DCAF8: variants seen among roughly 807,000 people sequenced by gnomAD.
DCAF8 encodes DDB1- and CUL4-associated factor 8.
DCAF8 carries 20 observed loss-of-function variants against 68.0 expected under a neutral mutation model. That is an observed-to-expected ratio of 0.29 (90% CI 0.21 to 0.43). The LOEUF (loss-of-function observed/expected upper bound fraction) is 0.43, where lower values mean the gene tolerates loss of function less well. DCAF8 is among the 20% of genes least tolerant of loss of function. The pLI is 1.00. For missense variants in DCAF8, 460 were observed against 771.0 expected, an observed-to-expected ratio of 0.60 and a Z score of 4.78; for synonymous variants, 230 against 276.9, an observed-to-expected ratio of 0.83 and a Z score of 1.68.
At chr1:160,251,965 C>T (rs1312746061) in intron 2 of DCAF8, among the ~76,000 whole-genome samples, 1 of 152,182 alleles carries the variant, frequency 6.6e-6, no homozygotes, top group East Asian at 1.9e-4. Flanking sequence ...CAGAAAGAAA[C>T]TGAATGTTTC....
chr1:160,248,568 T>C (rs897921373), intron 2 of DCAF8, among the ~76,000 whole-genome samples: 1 of 151,554 alleles, frequency 6.6e-6, no homozygotes, highest in Admixed American at 6.6e-5. Flanking sequence ...ACCCCGTCTT[T>C]ACTAAAATAC....
chr1:160,254,374 A>C (rs1383903678), intron 2 of DCAF8, among the ~76,000 whole-genome samples: 1 of 152,254 alleles, frequency 6.6e-6, no homozygotes, highest in South Asian at 2.1e-4. Flanking sequence ...CCAATATAGC[A>C]TAACTATGTC....
intron 10 of DCAF8, among the ~76,000 whole-genome samples, chr1:160,222,990 T>A (rs1387242797): frequency 1.3e-5 from 2 of 152,234 alleles, no homozygotes; most frequent in Admixed American, 1.3e-4. Flanking sequence ...TCTGCAGTCC[T>A]TTAGCAGCAG....
chr1:160,229,030 T>G (rs1461166327), intron 7 of DCAF8, among the ~76,000 whole-genome samples: 3 of 152,160 alleles, frequency 2.0e-5, no homozygotes, highest in Non-Finnish European at 1.5e-5. Flanking sequence ...CCAGGCGCGG[T>G]GGCTCACGAC....
chr1:160,219,121 G>A, intron 11 of DCAF8, 153 bp from the exon 12 acceptor site: 1 of 980,560 alleles, frequency 1.0e-6, no homozygotes, highest in Non-Finnish European at 1.5e-6. Context: ...TAAGCCAAAG[G>A]GCACTGAGGG....
Position 160,217,500 on chromosome 1 carries a change from G to A in DCAF8, c.*92C>T, listed in dbSNP as rs1239170221. The A allele has an allele frequency of 6.5e-6, 6 of 917,904 alleles. No individual in the cohort carries two copies. The highest frequency in any genetic ancestry group is 1.7e-5 in the African/African-American group (1 of 60,290). The allele number at this position is 917,904 out of a possible 1,614,324, so 56.9% of individuals were successfully genotyped here. On this transcript the variant is annotated 3_prime_UTR_variant, in exon 14 of 14. Coordinates refer to ENST00000368074, the MANE Select transcript of DCAF8 (RefSeq NM_015726.4). ...ATCTAAAGCAAAAAGTCCAAAGTGCGTTTCTGCTGAATGTAGGGCCTGGGA... is the reference window on the plus strand; with the variant it reads ...ATCTAAAGCAAAAAGTCCAAAGTGCATTTCTGCTGAATGTAGGGCCTGGGA...
rs1292598416 is a variant in DCAF8 at position 160,255,276 on chromosome 1, CTCTTT to C, written c.-27+6004_-27+6008del. On this transcript the variant is annotated intron_variant, in intron 2 of 13. Coordinates refer to ENST00000368074, the MANE Select transcript of DCAF8 (RefSeq NM_015726.4). ...TATAAGCCTCCCTAAGTTTTTCTCC[CTCTTT>C]TAATTTTTAAAATAGATTTTTTTAC... 2.0e-5 allele frequency among the ~76,000 whole-genome samples: 3 copies of C among 152,200 alleles called. No homozygotes were observed. In the East Asian group the frequency reaches 5.8e-4, roughly 29 times the overall value.
intron 6 of DCAF8, among the ~76,000 whole-genome samples, chr1:160,231,716 C>G (rs1573013): frequency 0.64 from 97,779 of 152,066 alleles, 32,964 homozygotes; most frequent in African/African-American, 0.86. Flanking sequence ...AGTTTAGCTG[C>G]AGTCCAACAC....
At chr1:160,228,157 C>A (rs116470403) in intron 7 of DCAF8, among the ~76,000 whole-genome samples, 3,777 of 150,940 alleles carry the variant, frequency 0.025, 49 homozygotes, top group Middle Eastern at 0.037. Context: ...GAACTTCTGA[C>A]CTCAAGCTAT....
At chr1:160,232,688 T>G (rs1182307093) in intron 6 of DCAF8, among the ~76,000 whole-genome samples, 1 of 151,624 alleles carries the variant, frequency 6.6e-6, no homozygotes, top group Non-Finnish European at 1.5e-5. Flanking sequence ...TGTGGTGGCA[T>G]GCACCTATAG....
chr1:160,244,098 G>A (rs764558476), intron 2 of DCAF8, 64 bp from the exon 3 acceptor site: 200 of 1,186,290 alleles, frequency 1.7e-4, no homozygotes, highest in Non-Finnish European at 2.4e-4. Context: ...AGACAATAGG[G>A]ACAAGGAGAT....
chr1:160,258,238 T>G (rs1238872753), intron 2 of DCAF8, among the ~76,000 whole-genome samples: 1 of 152,070 alleles, frequency 6.6e-6, no homozygotes, highest in Non-Finnish European at 1.5e-5. Context: ...TCCCAGCTAC[T>G]CGAGAGGCTG....
intron 2 of DCAF8, among the ~76,000 whole-genome samples, chr1:160,254,839 GA>G (rs1656765832): frequency 6.6e-6 from 1 of 152,048 alleles, no homozygotes; most frequent in Non-Finnish European, 1.5e-5. Context: ...CATGTGTTAT[GA>G]AAGAAAGAAA....
intron 1 of DCAF8, chr1:160,261,986 G>C (rs1571122115): frequency 1.0e-5 from 2 of 191,366 alleles, no homozygotes; most frequent in East Asian, 1.2e-4. Flanking sequence ...CTGAGGTGAC[G>C]GGGAGACGCA....
chr1:160,242,846 C>G (rs1656173277), intron 3 of DCAF8, among the ~76,000 whole-genome samples: 1 of 152,198 alleles, frequency 6.6e-6, no homozygotes, highest in Non-Finnish European at 1.5e-5. Flanking sequence ...TTTGCCAATC[C>G]TTGACCTAGC....
At chr1:160,218,742 C>T (rs2101711897) in intron 12 of DCAF8, 107 bp downstream of exon 12, 1 of 1,502,670 alleles carries the variant, frequency 6.7e-7, no homozygotes, top group East Asian at 2.3e-5. Context: ...GGTGTTAGAG[C>T]AGTGCCTTTA....
chr1:160,256,682 T>G (rs568096298), intron 2 of DCAF8, among the ~76,000 whole-genome samples: 2 of 152,190 alleles, frequency 1.3e-5, no homozygotes, highest in Admixed American at 6.5e-5. Flanking sequence ...ATATCTAATC[T>G]AAAATGTTTG....
chr1:160,253,647 CAAAAAAAAA>C (rs747211563), intron 2 of DCAF8, among the ~76,000 whole-genome samples: 24 of 26,950 alleles, frequency 8.9e-4, no homozygotes, highest in East Asian at 5.3e-3. Flanking sequence ...GACTCCATCT[CAAAAAAAAA>C]AAAAAAAAAA....
At chr1:160,218,786 C>G in intron 12 of DCAF8, 63 bp downstream of exon 12, 1 of 1,600,968 alleles carries the variant, frequency 6.2e-7, no homozygotes, top group South Asian at 1.1e-5. Flanking sequence ...CTCCCTATGA[C>G]AATAAGAATC....
Sources: allele counts gnomAD v4.1 joint callset (sites outside exome capture counted in the v4.1 genomes callset), GRCh38; gene constraint gnomAD v4.1.1; transcripts MANE v1.5; gene names NCBI Gene and HGNC (gene_info 2026-07-23, HGNC 2026-07-21).